Variants in ADARB2 observed in about 807,000 individuals in gnomAD.
The protein encoded by ADARB2 is adenosine deaminase RNA specific B2 (inactive).
A neutral mutation model predicts 62.2 loss-of-function variants in ADARB2; 25 were observed. The ratio of observed to expected loss-of-function variants is 0.40; its 90% CI spans 0.29 to 0.56. The LOEUF (loss-of-function observed/expected upper bound fraction) is 0.56, where lower values mean the gene tolerates loss of function less well. Among genes scored for constraint, ADARB2 ranks in the 20% least tolerant of loss-of-function variants. The pLI is 0.43. For missense variants in ADARB2, 1,071 were observed against 1,077.4 expected (o/e 0.99, Z 0.08); for synonymous variants, 572 against 500.8 (o/e 1.14, Z -1.90).
At chr10:1,633,551 T>TCTATCTATCTAA (rs1491022747) in intron 1 of ADARB2, among the ~76,000 whole-genome samples, 8 of 57,284 alleles carry the variant, frequency 1.4e-4, no homozygotes, top group African/African-American at 6.2e-4. Context: ...CTATCTATCA[T>TCTATCTATCTAA]CTATCTATCT....
intron 1 of ADARB2, chr10:1,526,591 C>T (rs944740694): frequency 3.8e-5 from 9 of 239,968 alleles, no homozygotes; most frequent in African/African-American, 2.1e-4. Context: ...GATCTCTGCA[C>T]AGGCCGCTCC....
intron 1 of ADARB2, among the ~76,000 whole-genome samples, chr10:1,443,207 T>C (rs1442080124): frequency 6.6e-6 from 1 of 152,126 alleles, no homozygotes; most frequent in Admixed American, 6.5e-5. Context: ...CAAAGCTTAT[T>C]TTTCTGTCCT....
At chr10:1,397,915 T>C (rs1832628885) in intron 1 of ADARB2, among the ~76,000 whole-genome samples, 1 of 131,686 alleles carries the variant, frequency 7.6e-6, no homozygotes, top group Non-Finnish European at 1.6e-5. Flanking sequence ...GCTTCCTGGG[T>C]CACCGTCCTC....
intron 3 of ADARB2, among the ~76,000 whole-genome samples, chr10:1,276,702 CAT>C (rs1831321255): frequency 1.3e-5 from 2 of 152,148 alleles, no homozygotes; most frequent in East Asian, 3.9e-4. Flanking sequence ...ATCAACGAGA[CAT>C]AAAGTTAACA....
chr10:1,554,536 C>A (rs1832673955), intron 1 of ADARB2, among the ~76,000 whole-genome samples: 1 of 152,024 alleles, frequency 6.6e-6, no homozygotes, highest in Non-Finnish European at 1.5e-5. Context: ...TGAAGCACAA[C>A]TTTCTTCCCC....
intron 1 of ADARB2, among the ~76,000 whole-genome samples, chr10:1,570,449 CAGG>C (rs1832920065): frequency 7.1e-5 from 1 of 14,046 alleles, no homozygotes. Flanking sequence ...GCAGGACGGG[CAGG>C]CACCATGCTC....
intron 6 of ADARB2, among the ~76,000 whole-genome samples, chr10:1,230,557 G>T (rs1830795449): frequency 6.6e-6 from 1 of 152,194 alleles, no homozygotes; most frequent in South Asian, 2.1e-4. Context: ...TTGTAAAGGA[G>T]CTTAAAGCAT....
At position 1,230,044 on chromosome 10, in the gene ADARB2, C is replaced by T. The variant is rs190861285; in HGVS notation, c.1513+3650G>A. On this transcript the variant is annotated intron_variant, in intron 6 of 9. Transcript: ENST00000381312. ...CTGGTGAGAGGAGACATGGCAGGTCCAGAAGGGGCCAGAGGCAGAGAGCAC... is the reference window on the plus strand; with the variant it reads ...CTGGTGAGAGGAGACATGGCAGGTCTAGAAGGGGCCAGAGGCAGAGAGCAC... 1.1e-4 allele frequency among the ~76,000 whole-genome samples: 16 copies of T among 152,042 alleles called. No individual in the cohort carries two copies. In the East Asian group the frequency reaches 3.1e-3, roughly 30 times the overall value.
chr10:1,511,062 C>T (rs949167256), intron 1 of ADARB2, among the ~76,000 whole-genome samples: 2 of 152,144 alleles, frequency 1.3e-5, no homozygotes, highest in Non-Finnish European at 2.9e-5. Context: ...GCCACATGGG[C>T]CAGGCTGGTC....
intron 1 of ADARB2, among the ~76,000 whole-genome samples, chr10:1,594,642 C>A (rs1833307046): frequency 6.6e-6 from 1 of 152,178 alleles, no homozygotes; most frequent in Admixed American, 6.5e-5. Flanking sequence ...GAGAGAAACG[C>A]CCACTCCTCG....
chr10:1,243,985 GC>G (rs1409482345), intron 4 of ADARB2, among the ~76,000 whole-genome samples: 2 of 152,232 alleles, frequency 1.3e-5, no homozygotes, highest in Non-Finnish European at 2.9e-5. Context: ...GACACGACCA[GC>G]CGCCCTGAGG....
Position 1,456,385 on chromosome 10 carries a change from G to A in ADARB2, c.101-77225C>T, listed in dbSNP as rs1355061826. Among the ~76,000 whole-genome samples the A allele has an allele frequency of 1.5e-4, 23 of 152,114 alleles. 1 individual carries two copies. The highest frequency in any genetic ancestry group is 1.4e-3 in the Admixed American group (22 of 15,286). On this transcript the variant is annotated intron_variant, in intron 1 of 9. Transcript: ENST00000381312. The stretch of plus-strand genomic sequence containing the variant: ...CAACGGCTCCTGGAGGCTCCTGCCC[G>A]GAAGACGTCTGCTCTTCCTACCAAC...
At position 1,497,091 on chromosome 10, in the gene ADARB2, C is replaced by T. The variant is rs186142033; in HGVS notation, c.101-117931G>A. ...TGGCTTTTGAATCTCAGGTATGCCCCTTAAGTTCTATAAGCCTAAGTCGTC... is the reference window on the plus strand; with the variant it reads ...TGGCTTTTGAATCTCAGGTATGCCCTTTAAGTTCTATAAGCCTAAGTCGTC... On this transcript the variant is annotated intron_variant, in intron 1 of 9. Coordinates refer to ENST00000381312, the MANE Select transcript of ADARB2 (RefSeq NM_018702.4). Among the ~76,000 whole-genome samples the T allele has an allele frequency of 2.0e-3, 297 of 152,236 alleles. 3 individuals are homozygous for T. Among genetic ancestry groups the T allele is most frequent in the African/African-American group, 6.6e-3 (272 of 41,524 alleles).
At chr10:1,230,412 T>G (rs113744841) in intron 6 of ADARB2, among the ~76,000 whole-genome samples, 1 of 152,184 alleles carries the variant, frequency 6.6e-6, no homozygotes, top group Non-Finnish European at 1.5e-5. Flanking sequence ...GACACTGCCC[T>G]TGGCTAGCCC....
chr10:1,343,481 T>G (rs540803181), intron 3 of ADARB2, among the ~76,000 whole-genome samples: 1 of 152,328 alleles, frequency 6.6e-6, no homozygotes, highest in South Asian at 2.1e-4. Context: ...TCAAAGAACT[T>G]AAAACAGAAC....
At chr10:1,404,895 A>G (rs1023231722) in intron 1 of ADARB2, among the ~76,000 whole-genome samples, 1 of 152,244 alleles carries the variant, frequency 6.6e-6, no homozygotes, top group Non-Finnish European at 1.5e-5. Context: ...CACGCTTTCT[A>G]CATTGGTCCT....
rs562755274 is a variant in ADARB2 at position 1,179,053 on chromosome 10, C to T, written c.*4140G>A. The stretch of plus-strand genomic sequence containing the variant: ...AAATTAAAAATGTCTACTTTATGTA[C>T]GTCTCAAATGTCTTCAGTTGTTTTA... On this transcript the variant is annotated 3_prime_UTR_variant, in exon 10 of 10. Coordinates refer to ENST00000381312, the MANE Select transcript of ADARB2 (RefSeq NM_018702.4). 10 of 152,268 alleles carry T rather than the reference C, an allele frequency of 6.6e-5. No homozygotes were observed. The highest frequency in any genetic ancestry group is 6.5e-4 in the Admixed American group (10 of 15,298). 9.4% of individuals were successfully genotyped at this position (152,268 alleles called of 1,614,324 possible). A position where few individuals can be genotyped will look rare whatever the true frequency, so the allele number is the denominator to read the frequency against.
chr10:1,625,586 C>A (rs1404046550), intron 1 of ADARB2, among the ~76,000 whole-genome samples: 2 of 152,112 alleles, frequency 1.3e-5, no homozygotes, highest in African/African-American at 4.8e-5. Flanking sequence ...ACAGCTTTCT[C>A]GGGAGTCCCC....
At chr10:1,667,197 A>C (rs947853694) in intron 1 of ADARB2, among the ~76,000 whole-genome samples, 1 of 152,228 alleles carries the variant, frequency 6.6e-6, no homozygotes, top group African/African-American at 2.4e-5. Context: ...TCAAACATTA[A>C]GTTAAATGTC....
Sources: allele counts gnomAD v4.1 joint callset (sites outside exome capture counted in the v4.1 genomes callset), GRCh38; gene constraint gnomAD v4.1.1; transcripts MANE v1.5; gene names NCBI Gene and HGNC (gene_info 2026-07-23, HGNC 2026-07-21).